PTN: variants seen among roughly 807,000 people sequenced by gnomAD.
PTN encodes the protein heparin affin regulatory protein.
PTN carries 18 observed loss-of-function variants against 24.1 expected under a neutral mutation model. The ratio of observed to expected loss-of-function variants is 0.75; its 90% confidence interval spans 0.52 to 1.11. The LOEUF (loss-of-function observed/expected upper bound fraction) is 1.11. PTN is among the 50% of genes least tolerant of loss of function. PTN has a pLI of 0.00. For synonymous variants in PTN, 78 were observed against 68.6 expected, an observed-to-expected ratio of 1.14 and a Z score of -0.67; for missense variants, 163 against 198.8, an observed-to-expected ratio of 0.82 and a Z score of 1.08.
intron 4 of PTN, among the ~76,000 whole-genome samples, chr7:137,230,135 C>T (rs1222851920): frequency 2.6e-5 from 4 of 151,738 alleles, no homozygotes; most frequent in African/African-American, 9.7e-5. Context: ...GACATACTAA[C>T]CAGGTTTTTG....
At chr7:137,257,265 CTTA>C in intron 1 of PTN, among the ~76,000 whole-genome samples, 1 of 152,188 alleles carries the variant, frequency 6.6e-6, no homozygotes, top group Non-Finnish European at 1.5e-5. Flanking sequence ...AGGCTAAATT[CTTA>C]TTATATCAGA....
intron 1 of PTN, among the ~76,000 whole-genome samples, chr7:137,271,095 T>C (rs967591704): frequency 2.0e-5 from 3 of 152,224 alleles, no homozygotes; most frequent in African/African-American, 7.2e-5. Context: ...CCACATAATC[T>C]TCCTAGCTTT....
intron 4 of PTN, among the ~76,000 whole-genome samples, chr7:137,232,781 T>C (rs1808450180): frequency 6.6e-6 from 1 of 151,878 alleles, no homozygotes; most frequent in African/African-American, 2.4e-5. Flanking sequence ...ATGGAGGTAA[T>C]TGGATCATGG....
intron 4 of PTN, among the ~76,000 whole-genome samples, chr7:137,241,364 CCT>C (rs1808625377): frequency 6.6e-6 from 1 of 152,014 alleles, no homozygotes; most frequent in African/African-American, 2.4e-5. Flanking sequence ...TAAATGACAC[CCT>C]GTGTGAGCAA....
chr7:137,316,303 C>T (rs1266768389), intron 1 of PTN, among the ~76,000 whole-genome samples: 1 of 152,172 alleles, frequency 6.6e-6, no homozygotes, highest in Non-Finnish European at 1.5e-5. Context: ...CATTCTCAGT[C>T]TCTCCATTCA....
intron 1 of PTN, among the ~76,000 whole-genome samples, chr7:137,303,233 A>T (rs887749228): frequency 2.0e-5 from 3 of 151,992 alleles, no homozygotes; most frequent in African/African-American, 7.2e-5. Context: ...TATGAGACCC[A>T]GCAAGAAAAA....
At chr7:137,317,863 C>T (rs907621186) in intron 1 of PTN, among the ~76,000 whole-genome samples, 4 of 152,140 alleles carry the variant, frequency 2.6e-5, no homozygotes, top group Middle Eastern at 3.4e-3. Context: ...GACAGGTGAG[C>T]GAGGTTCAGG....
chr7:137,237,970 C>T (rs545900221), intron 4 of PTN, among the ~76,000 whole-genome samples: 2 of 152,262 alleles, frequency 1.3e-5, no homozygotes, highest in South Asian at 2.1e-4. Context: ...TATCTGTGGG[C>T]CTTGCCGCCT....
chr7:137,272,927 G>A (rs763634507), intron 1 of PTN, among the ~76,000 whole-genome samples: 1 of 152,192 alleles, frequency 6.6e-6, no homozygotes. Context: ...GACGCTTGAG[G>A]TCCTATTAGA....
chr7:137,243,540 T>C (rs893400211), intron 4 of PTN, among the ~76,000 whole-genome samples: 2 of 152,228 alleles, frequency 1.3e-5, no homozygotes, highest in Non-Finnish European at 2.9e-5. Context: ...GCTCACTACA[T>C]GCCATGCAAG....
chr7:137,230,310 T>C (rs1388874662), intron 4 of PTN, among the ~76,000 whole-genome samples: 4 of 151,802 alleles, frequency 2.6e-5, no homozygotes, highest in Non-Finnish European at 5.9e-5. Flanking sequence ...GAACCTGACA[T>C]TGGTGTCTTA....
intron 4 of PTN, among the ~76,000 whole-genome samples, chr7:137,249,782 A>G (rs17133397): frequency 0.16 from 24,101 of 152,054 alleles, 2,120 homozygotes; most frequent in African/African-American, 0.22. Flanking sequence ...CATGCCTTCC[A>G]AAAACCATAT....
intron 1 of PTN, among the ~76,000 whole-genome samples, chr7:137,314,779 T>C (rs976562924): frequency 1.3e-5 from 2 of 151,784 alleles, no homozygotes; most frequent in Non-Finnish European, 2.9e-5. Flanking sequence ...ATTTTTAGTA[T>C]AGACGGGCTT....
intron 1 of PTN, among the ~76,000 whole-genome samples, chr7:137,278,262 G>A (rs113765822): frequency 3.0e-5 from 4 of 131,890 alleles, no homozygotes; most frequent in East Asian, 2.3e-4. Context: ...AGCCGAGATC[G>A]CGCCACTGCA....
At chr7:137,236,341 C>T in intron 4 of PTN, 3 of 692,818 alleles carry the variant, frequency 4.3e-6, no homozygotes, top group Non-Finnish European at 7.9e-6. Context: ...GTGGGGGAAT[C>T]AGCCACACAT....
intron 1 of PTN, among the ~76,000 whole-genome samples, chr7:137,267,435 T>G (rs1434813254): frequency 1.3e-5 from 2 of 152,142 alleles, no homozygotes; most frequent in African/African-American, 4.8e-5. Flanking sequence ...TAACTGTCTA[T>G]GTACGGAAAC....
intron 1 of PTN, among the ~76,000 whole-genome samples, chr7:137,268,333 C>T (rs1022822922): frequency 3.9e-5 from 6 of 152,046 alleles, no homozygotes; most frequent in East Asian, 1.9e-4. Flanking sequence ...CCTCGCTTGC[C>T]GGTCAGGGAA....
intron 1 of PTN, among the ~76,000 whole-genome samples, chr7:137,274,601 A>G (rs369568040): frequency 6.6e-6 from 1 of 152,116 alleles, no homozygotes; most frequent in Admixed American, 6.5e-5. Context: ...TTTAAAAGAT[A>G]GAATAGGAAA....
chr7:137,236,044 T>G (rs1032828930), intron 4 of PTN: 5 of 617,316 alleles, frequency 8.1e-6, no homozygotes, highest in South Asian at 7.8e-5. Context: ...TAAAGTAGAT[T>G]TAATAGAAGG....
Sources: gnomAD v4.1 joint callset for allele counts (sites outside exome capture counted in the v4.1 genomes callset) on GRCh38, gnomAD v4.1.1 for gene constraint, MANE v1.5 for transcripts, NCBI Gene and HGNC (gene_info 2026-07-23, HGNC 2026-07-21) for gene names.